ADK: variants seen among roughly 807,000 people sequenced by gnomAD.
ADK encodes adenosine kinase, also known as N6,N6-dimethyladenosine kinase.
ADK carries 24 observed loss-of-function variants against 44.7 expected under a neutral mutation model. The ratio of observed to expected loss-of-function variants is 0.54; its 90% CI spans 0.39 to 0.76. The LOEUF (loss-of-function observed/expected upper bound fraction) is 0.76. Ranked by LOEUF, ADK falls within the 30% of genes least tolerant of loss-of-function variation. The pLI is 0.00. For missense variants in ADK, 321 were observed against 425.1 expected, an observed-to-expected ratio of 0.76 and a Z score of 2.15; for synonymous variants, 128 against 142.6, an observed-to-expected ratio of 0.90 and a Z score of 0.73.
rs578234645 is a variant in ADK at position 74,385,894 on chromosome 10, A to G, written c.274-8247A>G. On this transcript the variant is annotated intron_variant, in intron 4 of 10. Coordinates refer to ENST00000539909, the MANE Select transcript of ADK (RefSeq NM_006721.4). ...CAGATATTTACTAACAAAAATAACA[A>G]TAGAACTATTTCAGGGAAAGAACAG... Among the ~76,000 whole-genome samples the G allele has an allele frequency of 9.8e-5, 15 of 152,338 alleles. No individual in the cohort carries two copies. In the South Asian group the frequency reaches 3.1e-3, roughly 32 times the overall value.
intron 1 of ADK, among the ~76,000 whole-genome samples, chr10:74,175,161 G>A (rs1028677244): frequency 1.3e-5 from 2 of 152,120 alleles, no homozygotes; most frequent in Non-Finnish European, 2.9e-5. Flanking sequence ...CGGGCAGATC[G>A]CTTGAGGCCA....
intron 7 of ADK, among the ~76,000 whole-genome samples, chr10:74,535,532 A>G: frequency 6.6e-6 from 1 of 152,060 alleles, no homozygotes; most frequent in East Asian, 1.9e-4. Context: ...TTCTACAAGA[A>G]AAACTCTAGA....
intron 3 of ADK, among the ~76,000 whole-genome samples, chr10:74,295,148 G>A (rs1839767265): frequency 1.3e-5 from 2 of 151,036 alleles, no homozygotes; most frequent in African/African-American, 2.4e-5. Context: ...AAGCCACCAC[G>A]TCCGGCCTGT....
At chr10:74,421,466 T>C (rs1036487914) in intron 6 of ADK, among the ~76,000 whole-genome samples, 5 of 152,184 alleles carry the variant, frequency 3.3e-5, no homozygotes, top group African/African-American at 1.2e-4. Context: ...TTTAGCTTAA[T>C]ATATGCAGAT....
At chr10:74,457,519 G>GTA (rs780603776) in intron 6 of ADK, among the ~76,000 whole-genome samples, 67 of 152,306 alleles carry the variant, frequency 4.4e-4, no homozygotes, top group Non-Finnish European at 8.8e-4. Flanking sequence ...CCATTACTGG[G>GTA]TATATACCCA....
intron 4 of ADK, among the ~76,000 whole-genome samples, chr10:74,390,404 A>C (rs1843292495): frequency 6.6e-6 from 1 of 152,130 alleles, no homozygotes; most frequent in Non-Finnish European, 1.5e-5. Flanking sequence ...TGTTTGTCCC[A>C]CCTTTTAATT....
intron 1 of ADK, among the ~76,000 whole-genome samples, chr10:74,190,310 C>T (rs1040606641): frequency 1.3e-5 from 2 of 152,198 alleles, no homozygotes; most frequent in African/African-American, 4.8e-5. Context: ...AGCACTCAAC[C>T]AGGCTTTCAG....
At chr10:74,552,202 T>C (rs1358228094) in intron 7 of ADK, among the ~76,000 whole-genome samples, 1 of 152,116 alleles carries the variant, frequency 6.6e-6, no homozygotes, top group Non-Finnish European at 1.5e-5. Flanking sequence ...GCCACATTTG[T>C]CCTGATTAAA....
intron 9 of ADK, among the ~76,000 whole-genome samples, chr10:74,617,174 T>C (rs1487017670): frequency 6.6e-6 from 1 of 152,224 alleles, no homozygotes; most frequent in Non-Finnish European, 1.5e-5. Context: ...TTTTTCTTAC[T>C]ACACTAGTTA....
intron 6 of ADK, among the ~76,000 whole-genome samples, chr10:74,475,187 A>C (rs1483016092): frequency 1.3e-5 from 2 of 152,154 alleles, no homozygotes; most frequent in Non-Finnish European, 2.9e-5. Flanking sequence ...TGTCATTTAT[A>C]TCAATAGGGC....
intron 7 of ADK, among the ~76,000 whole-genome samples, chr10:74,587,258 A>G (rs772541526): frequency 1.2e-4 from 18 of 152,240 alleles, no homozygotes; most frequent in Non-Finnish European, 2.1e-4. Flanking sequence ...GTTACTGACT[A>G]TGTGATGTAC....
intron 2 of ADK, among the ~76,000 whole-genome samples, chr10:74,218,181 G>T (rs2132220137): frequency 6.6e-6 from 1 of 152,348 alleles, no homozygotes; most frequent in Middle Eastern, 3.4e-3. Context: ...TAAAGGAGCT[G>T]ATGGAGCTGA....
At chr10:74,228,453 A>G (rs1354752942) in intron 3 of ADK, among the ~76,000 whole-genome samples, 2 of 152,194 alleles carry the variant, frequency 1.3e-5, no homozygotes, top group Non-Finnish European at 2.9e-5. Context: ...AGTTTTGTAA[A>G]TGGAATAATT....
At chr10:74,680,992 A>G (rs531081505) in intron 10 of ADK, among the ~76,000 whole-genome samples, 2 of 152,232 alleles carry the variant, frequency 1.3e-5, no homozygotes, top group Admixed American at 6.5e-5. Context: ...ATGCTATGAG[A>G]AATTTTCAGT....
At chr10:74,311,446 C>CTAAATT (rs1242597885) in intron 3 of ADK, among the ~76,000 whole-genome samples, 41 of 152,288 alleles carry the variant, frequency 2.7e-4, no homozygotes, top group African/African-American at 9.1e-4. Context: ...CAGAACAAGG[C>CTAAATT]TAAATTTGCC....
intron 3 of ADK, among the ~76,000 whole-genome samples, chr10:74,259,172 T>C (rs927806446): frequency 6.6e-6 from 1 of 151,998 alleles, no homozygotes; most frequent in Non-Finnish European, 1.5e-5. Context: ...TTCGAACTCC[T>C]GGCCTCAAGT....
At chr10:74,624,872 C>T (rs564422734) in intron 9 of ADK, among the ~76,000 whole-genome samples, 1 of 152,064 alleles carries the variant, frequency 6.6e-6, no homozygotes, top group South Asian at 2.1e-4. Flanking sequence ...GTGTTTATTT[C>T]TAACATTTCT....
intron 6 of ADK, among the ~76,000 whole-genome samples, chr10:74,425,788 T>A (rs1388150078): frequency 6.6e-6 from 1 of 152,226 alleles, no homozygotes; most frequent in East Asian, 1.9e-4. Context: ...TTTTGAGTAT[T>A]CTGTGTCAAC....
At chr10:74,632,059 C>T (rs1351373590) in intron 9 of ADK, among the ~76,000 whole-genome samples, 5 of 151,984 alleles carry the variant, frequency 3.3e-5, no homozygotes, top group Non-Finnish European at 4.4e-5. Flanking sequence ...ACCGTGACCA[C>T]GATCAATTTT....
Sources: gnomAD v4.1 joint callset for allele counts (sites outside exome capture counted in the v4.1 genomes callset) on GRCh38, gnomAD v4.1.1 for gene constraint, MANE v1.5 for transcripts, NCBI Gene and HGNC (gene_info 2026-07-23, HGNC 2026-07-21) for gene names.